SUMF1: variants seen among roughly 807,000 people sequenced by gnomAD.
SUMF1 encodes sulfatase modifying factor 1.
Under a neutral mutation model 47.6 loss-of-function variants are expected in SUMF1, and 48 were observed. That is an observed-to-expected ratio of 1.01 (90% CI 0.80 to 1.28). The LOEUF is 1.28. Ranked by LOEUF, SUMF1 falls within the 50% of genes most tolerant of loss-of-function variation. The pLI, the probability that SUMF1 is intolerant of heterozygous loss-of-function variation, is 0.00. For missense variants in SUMF1, 571 were observed against 485.4 expected (o/e 1.18, Z -1.66); for synonymous variants, 230 against 192.1 (o/e 1.20, Z -1.63).
intron 7 of SUMF1, among the ~76,000 whole-genome samples, chr3:4,399,900 G>A (rs1427794662): frequency 6.6e-6 from 1 of 152,102 alleles, no homozygotes; most frequent in Non-Finnish European, 1.5e-5. Context: ...TGGGACTACA[G>A]GCCCGTGCCA....
intron 7 of SUMF1, among the ~76,000 whole-genome samples, chr3:4,409,103 T>C (rs943705772): frequency 2.0e-5 from 3 of 152,106 alleles, no homozygotes; most frequent in Non-Finnish European, 2.9e-5. Context: ...TATAGATCAG[T>C]CTAGTCACAA....
intron 9 of SUMF1, among the ~76,000 whole-genome samples, chr3:4,055,128 C>A (rs73806844): frequency 6.2e-4 from 94 of 152,148 alleles, no homozygotes; most frequent in African/African-American, 2.2e-3. Context: ...TGTTGACACT[C>A]ATCTGAATTA....
At chr3:4,135,902 G>A (rs184893211) in intron 8 of SUMF1, among the ~76,000 whole-genome samples, 27 of 152,176 alleles carry the variant, frequency 1.8e-4, no homozygotes, top group African/African-American at 6.0e-4. Flanking sequence ...AAAATACACA[G>A]GAATCCAACT....
chr3:4,316,629 A>G (rs1698663340), intron 8 of SUMF1: 1 of 1,551,172 alleles, frequency 6.4e-7, no homozygotes, highest in Admixed American at 2.0e-5. Context: ...ATCTTCTCTT[A>G]TTCTACGCAA....
At chr3:4,409,132 G>T (rs1178308157) in intron 7 of SUMF1, among the ~76,000 whole-genome samples, 1 of 152,074 alleles carries the variant, frequency 6.6e-6, no homozygotes, top group African/African-American at 2.4e-5. Flanking sequence ...AGAGAGGGAA[G>T]GCAGGGAGCC....
At chr3:4,110,376 C>A (rs949650309) in intron 8 of SUMF1, among the ~76,000 whole-genome samples, 1 of 152,034 alleles carries the variant, frequency 6.6e-6, no homozygotes. Flanking sequence ...GGGTCAGGGA[C>A]CCACTTGAGG....
In SUMF1 at chr3:4,303,585, T is replaced by C. The variant is rs1049029110; in HGVS notation, c.1014+72745A>G. 3.6e-6 allele frequency: 5 copies of C among 1,377,888 alleles called. No individual in the cohort carries two copies. The South Asian group carries it at 6.9e-5, about 19-fold the overall frequency. The allele number at this position is 1,377,888 out of a possible 1,614,324, so 85.4% of individuals were successfully genotyped here. ...CGCGCGGCTCCCCCACGTGGTCTCCTCAAGCCGCCTCGCTGGGACGGCCTC... is the reference window on the plus strand; with the variant it reads ...CGCGCGGCTCCCCCACGTGGTCTCCCCAAGCCGCCTCGCTGGGACGGCCTC... On this transcript the variant is annotated intron_variant and NMD_transcript_variant, in intron 8 of 12. Coordinates refer to the SUMF1 transcript ENST00000448413.
chr3:4,103,720 A>G (rs1009863644), intron 8 of SUMF1, among the ~76,000 whole-genome samples: 14 of 152,142 alleles, frequency 9.2e-5, no homozygotes, highest in Non-Finnish European at 1.8e-4. Context: ...GGAACAGAAC[A>G]TAAATCACAT....
chr3:4,254,324 G>C (rs1027477151), intron 8 of SUMF1, among the ~76,000 whole-genome samples: 1 of 151,434 alleles, frequency 6.6e-6, no homozygotes, highest in African/African-American at 2.4e-5. Flanking sequence ...TGAGCTATGG[G>C]AGGACATTCA....
At chr3:4,284,301 A>AC (rs1490071932) in intron 8 of SUMF1, among the ~76,000 whole-genome samples, 2 of 151,722 alleles carry the variant, frequency 1.3e-5, no homozygotes, top group African/African-American at 4.8e-5. Context: ...AGTGCCAGCT[A>AC]CCCGGGGGGC....
downstream of SUMF1, chr3:4,361,141 T>C (rs991611507): frequency 5.3e-5 from 8 of 152,298 alleles, no homozygotes; most frequent in Non-Finnish European, 1.2e-4. Context: ...CTGATGACGG[T>C]GAAGCCTGAT....
At chr3:4,096,306 A>G (rs1448977114) in intron 8 of SUMF1, among the ~76,000 whole-genome samples, 1 of 152,106 alleles carries the variant, frequency 6.6e-6, no homozygotes, top group Admixed American at 6.5e-5. Flanking sequence ...TTCCATATCT[A>G]AGGGTCTTTC....
At chr3:4,234,907 G>T (rs1424843665) in intron 8 of SUMF1, among the ~76,000 whole-genome samples, 4 of 152,132 alleles carry the variant, frequency 2.6e-5, no homozygotes, top group East Asian at 1.9e-4. Flanking sequence ...ATTATCAAGG[G>T]CATTTGTATG....
At chr3:4,056,326 T>C (rs1695190922) in intron 9 of SUMF1, among the ~76,000 whole-genome samples, 1 of 152,012 alleles carries the variant, frequency 6.6e-6, no homozygotes, top group Non-Finnish European at 1.5e-5. Context: ...ATACAGAAAC[T>C]AAAAAGGTTC....
intron 8 of SUMF1, among the ~76,000 whole-genome samples, chr3:4,344,128 T>C (rs1168126024): frequency 2.6e-5 from 4 of 152,210 alleles, no homozygotes; most frequent in Admixed American, 6.5e-5. Context: ...AAGAAAACTA[T>C]AATAAGCATG....
At chr3:4,147,378 T>C (rs995976500) in intron 8 of SUMF1, among the ~76,000 whole-genome samples, 1 of 152,164 alleles carries the variant, frequency 6.6e-6, no homozygotes. Context: ...ATGTTTATTG[T>C]GGCACTATTC....
At chr3:4,303,383 G>C (rs1300441524) in intron 8 of SUMF1, 1 of 1,553,558 alleles carries the variant, frequency 6.4e-7, no homozygotes, top group Admixed American at 2.0e-5. Context: ...GTTCGCGGAA[G>C]CGGCAAAGAC....
chr3:4,135,007 G>C (rs1294752104), intron 8 of SUMF1, among the ~76,000 whole-genome samples: 2 of 152,050 alleles, frequency 1.3e-5, no homozygotes, highest in African/African-American at 4.8e-5. Context: ...AAAAGTCCAG[G>C]ACCAGATGGA....
intron 8 of SUMF1, among the ~76,000 whole-genome samples, chr3:4,256,660 G>C (rs1696960574): frequency 6.6e-6 from 1 of 151,940 alleles, no homozygotes; most frequent in Non-Finnish European, 1.5e-5. Context: ...GGACCAGATG[G>C]ATTCACAGCC....
Sources: gnomAD v4.1 joint callset for allele counts (sites outside exome capture counted in the v4.1 genomes callset) on GRCh38, gnomAD v4.1.1 for gene constraint, MANE v1.5 for transcripts, NCBI Gene and HGNC (gene_info 2026-07-23, HGNC 2026-07-21) for gene names.